DENND2C: variants seen among roughly 807,000 people sequenced by gnomAD.
DENND2C encodes DENN domain-containing protein 2C.
In DENND2C, 72 loss-of-function variants were observed where a neutral mutation model predicts 112.4. That is an observed-to-expected ratio of 0.64 (90% CI 0.53 to 0.78). The LOEUF (loss-of-function observed/expected upper bound fraction) is 0.78. Among genes scored for constraint, DENND2C ranks in the 30% least tolerant of loss-of-function variants. DENND2C has a pLI of 0.00. For missense variants in DENND2C, 992 were observed against 1,113.8 expected (o/e 0.89, Z 1.56); for synonymous variants, 329 against 381.6 (o/e 0.86, Z 1.61).
At chr1:114,609,220 C>T (rs1655748646) in intron 9 of DENND2C, among the ~76,000 whole-genome samples, 1 of 152,194 alleles carries the variant, frequency 6.6e-6, no homozygotes, top group African/African-American at 2.4e-5. Context: ...CGAAAAAGCG[C>T]TAGACTGACA....
In DENND2C at chr1:114,621,924, C is replaced by T; in HGVS notation, c.1198G>A (p.Ala400Thr). The change falls in exon 7 of 21, where the codon GCA (alanine) becomes ACA (threonine). Residue 400 changes from alanine (A) to threonine (T), a missense_variant. By Grantham distance (58) the Ala-to-Thr change is moderately conservative. Transcript: ENST00000393274. ...GGAAGATTTTTCCTTTTCGTGTTTG[C>T]AACTTCACCAGCTCGGAAAAGCTTC... ...EWKLFRAGEV[A>T]NTKRKNLPRL... 6.4e-7 allele frequency: 1 copy of T among 1,550,622 alleles called. No individual in the cohort carries two copies. Among genetic ancestry groups the T allele is most frequent in the Middle Eastern group, 1.7e-4 (1 of 5,994 alleles).
In DENND2C at chr1:114,587,955, G is replaced by A. The variant is rs1470180247; in HGVS notation, c.2432-3C>T. 6.2e-7 allele frequency: 1 copy of A among 1,609,062 alleles called. No homozygotes were observed. Among genetic ancestry groups the A allele is most frequent in the East Asian group, 2.2e-5 (1 of 44,854 alleles). ...CACCAGAGAGTTGAGTGTCACATCT[G>A]CTGCAACATGAAAAAGAAAAAAAGA... On this transcript the variant is annotated splice_polypyrimidine_tract_variant and splice_region_variant and intron_variant, in intron 18 of 20. Transcript: ENST00000393274.
chr1:114,626,723 G>A (rs1348389579), intron 3 of DENND2C, among the ~76,000 whole-genome samples: 2 of 151,776 alleles, frequency 1.3e-5, no homozygotes, highest in African/African-American at 2.4e-5. Flanking sequence ...TGTTGCCCAG[G>A]CTGGTCTTGA....
chr1:114,625,705 C>T lies in DENND2C; in HGVS notation c.280G>A (p.Glu94Lys). The T allele has an allele frequency of 1.9e-6, 3 of 1,613,996 alleles. No homozygotes were observed. The highest frequency in any genetic ancestry group is 2.5e-6 in the Non-Finnish European group (3 of 1,179,990). ...NENTKSHDQS[E>K]NENKKHEYDD... ...TATTCATGTTTCTTATTTTCATTCT[C>T]ACTTTGATCATGGCTTTTGGTATTT... The change falls in exon 4 of 21, where the codon GAG (glutamate) becomes AAG (lysine). Residue 94 changes from glutamate to lysine, a missense_variant. Physicochemically the swap from Glu to Lys is moderately conservative, Grantham distance 56. Transcript: ENST00000393274.
At chr1:114,600,465 A>T in intron 14 of DENND2C, 113 bp from the exon 15 acceptor site, 1 of 1,399,396 alleles carries the variant, frequency 7.1e-7, no homozygotes. Flanking sequence ...GGTCTGCTAC[A>T]CGGGGTCTGT....
rs1201945890 is a variant in DENND2C at position 114,633,456 on chromosome 1, A to AG, written c.-204-7269_-204-7268insC. ...CCCTATCTCAAAAAAAAAAAAAAAAAAAAAAAGAAAAAGAAGGAAGGAAGG... is the reference window on the plus strand; with the variant it reads ...CCCTATCTCAAAAAAAAAAAAAAAAAGAAAAAAGAAAAAGAAGGAAGGAAGG... On this transcript the variant is annotated intron_variant, in intron 3 of 20. Transcript: ENST00000393274. Among the ~76,000 whole-genome samples the AG allele has an allele frequency of 9.5e-3, 1,425 of 149,736 alleles. 20 individuals carry two copies. The highest frequency in any genetic ancestry group is 0.033 in the African/African-American group (1,351 of 40,470).
chr1:114,587,993 C>G, intron 18 of DENND2C, 41 bp from the exon 19 acceptor site: 1 of 1,556,946 alleles, frequency 6.4e-7, no homozygotes, highest in Non-Finnish European at 8.8e-7. Context: ...AAAATCTCCT[C>G]AGTTATCTGT....
At chr1:114,589,803 T>C (rs1022971281) in intron 18 of DENND2C, among the ~76,000 whole-genome samples, 1 of 152,232 alleles carries the variant, frequency 6.6e-6, no homozygotes, top group Non-Finnish European at 1.5e-5. Flanking sequence ...ATGAATATTT[T>C]ATAACATCAC....
At chr1:114,668,283 G>A (rs1490123737) in intron 1 of DENND2C, among the ~76,000 whole-genome samples, 7 of 152,118 alleles carry the variant, frequency 4.6e-5, no homozygotes, top group Admixed American at 3.3e-4. Flanking sequence ...ACATGTTTAA[G>A]TAAAACTTCT....
At chr1:114,643,926 G>A (rs1656909798) in intron 3 of DENND2C, among the ~76,000 whole-genome samples, 1 of 152,112 alleles carries the variant, frequency 6.6e-6, no homozygotes, top group Non-Finnish European at 1.5e-5. Context: ...TGTGTTACAT[G>A]GTTGGTTATC....
At chr1:114,667,506 C>A (rs1486343794) in intron 1 of DENND2C, among the ~76,000 whole-genome samples, 1 of 152,098 alleles carries the variant, frequency 6.6e-6, no homozygotes, top group Non-Finnish European at 1.5e-5. Context: ...AATGCCATAA[C>A]TGTTGTTACT....
Position 114,595,844 on chromosome 1 carries a change from C to T in DENND2C, c.2313G>A (p.Lys771=). 1 of 1,613,918 alleles carries T rather than the reference C, an allele frequency of 6.2e-7. No individual in the cohort carries two copies. Among genetic ancestry groups the T allele is most frequent in the Non-Finnish European group, 8.5e-7 (1 of 1,179,884 alleles). ...CTTTGGCACTCACCTCCTGTAAGAA[C>T]TTGTCTGCACAGAGATCAACTATCA... ...EVLIVDLCAD[K]FLQEVSDEDE... Residue 771 remains lysine (K), a synonymous_variant, in exon 17 of 21, where the codon AAG becomes AAA. Transcript: ENST00000393274.
chr1:114,592,518 G>A (rs1055993212), intron 18 of DENND2C, among the ~76,000 whole-genome samples: 1 of 151,972 alleles, frequency 6.6e-6, no homozygotes, highest in Non-Finnish European at 1.5e-5. Flanking sequence ...AGGAGTTCAA[G>A]ATCAGCCTGG....
At position 114,587,850 on chromosome 1, in the gene DENND2C, C is replaced by T. The variant is rs566142081; in HGVS notation, c.2534G>A (p.Arg845His). The T allele has an allele frequency of 9.3e-6, 15 of 1,614,062 alleles. No homozygotes were observed. The highest frequency in any genetic ancestry group is 6.7e-5 in the East Asian group (3 of 44,872). ...ACGGAATGGTTCCCTTTGGAAAACA[C>T]GCTCCCCACGCTCAGTGACAGTCAT... ...LNMTVTERGE[R>H]VFQREPFRKS... The change falls in exon 19 of 21, where the codon CGT becomes CAT. Residue 845 changes from arginine to histidine, a missense_variant. By Grantham distance (29) the Arg-to-His change is conservative. This residue lies in a region of DENND2C where 516 missense variants were observed against 623.6 expected (regional missense o/e 0.83). Coordinates refer to ENST00000393274, the MANE Select transcript of DENND2C (RefSeq NM_001256404.2).
chr1:114,660,038 G>A (rs867797883), intron 1 of DENND2C, among the ~76,000 whole-genome samples: 7 of 152,092 alleles, frequency 4.6e-5, no homozygotes, highest in Non-Finnish European at 1.0e-4. Context: ...TGATACTCCA[G>A]CCTCAGCCTT....
At position 114,625,198 on chromosome 1, in the gene DENND2C, T is replaced by G. The variant is rs747618676; in HGVS notation, c.787A>C (p.Ile263Leu). 9.9e-6 allele frequency: 16 copies of G among 1,608,170 alleles called. No individual in the cohort carries two copies. Among genetic ancestry groups the G allele is most frequent in the Non-Finnish European group, 2.5e-6 (3 of 1,178,504 alleles). Residue 263 changes from isoleucine (I) to leucine (L), a missense_variant, in exon 4 of 21, where the codon ATC becomes CTC. By Grantham distance (5) the Ile-to-Leu change is conservative. Coordinates refer to ENST00000393274, the MANE Select transcript of DENND2C (RefSeq NM_001256404.2). ...ACATACCTTTTAGATCTTCCTCTGA[T>G]TTTTCCACCATATTTCTTTGGTTCA... ...EPEPKKYGGK[I>L]RGRSKRKSFE... is the part of the protein sequence containing the mutation.
In DENND2C at chr1:114,623,617, T is replaced by C. The variant is rs761328464; in HGVS notation, c.833A>G (p.Gln278Arg). 8 of 1,602,026 alleles carry C rather than the reference T, an allele frequency of 5.0e-6. No individual in the cohort carries two copies. Among genetic ancestry groups the C allele is most frequent in the Non-Finnish European group, 5.1e-6 (6 of 1,174,666 alleles). Residue 278 changes from glutamine (Q) to arginine (R), a missense_variant, in exon 5 of 21, where the codon CAG becomes CGG. Transcript: ENST00000393274. The part of the protein sequence containing the change: ...KRKSFEFEDI[Q>R]HFRNRNSQTI... ...CTGTGAGTTCCGATTTCGAAAGTGCTGAATATCCTCAAATTCAAAGGATTT... is the reference window on the plus strand; with the variant it reads ...CTGTGAGTTCCGATTTCGAAAGTGCCGAATATCCTCAAATTCAAAGGATTT...
chr1:114,597,581 A>G (rs1414746930), intron 16 of DENND2C, among the ~76,000 whole-genome samples: 1 of 152,156 alleles, frequency 6.6e-6, no homozygotes, highest in Non-Finnish European at 1.5e-5. Flanking sequence ...CAGTAGTTTG[A>G]GACCAGCCTG....
intron 2 of DENND2C, among the ~76,000 whole-genome samples, chr1:114,649,774 G>C (rs1385397613): frequency 6.6e-6 from 1 of 151,934 alleles, no homozygotes; most frequent in African/African-American, 2.4e-5. Flanking sequence ...GTATTCAAAG[G>C]TTGAAGAAAT....
Sources: allele counts gnomAD v4.1 joint callset (sites outside exome capture counted in the v4.1 genomes callset), GRCh38; gene constraint gnomAD v4.1.1; regional missense constraint gnomAD v4.1.1; transcripts MANE v1.5; gene names NCBI Gene and HGNC (gene_info 2026-07-23, HGNC 2026-07-21).